MSRB3: variants seen among roughly 807,000 people sequenced by gnomAD.
MSRB3 encodes methionine-R-sulfoxide reductase B3.
MSRB3 carries 13 observed loss-of-function variants against 21.0 expected under a neutral mutation model. That is an observed-to-expected ratio of 0.62 (90% CI 0.40 to 0.98). The LOEUF is 0.98. MSRB3 is among the 50% of genes least tolerant of loss of function. MSRB3 has a pLI of 0.00. For missense variants in MSRB3, 199 were observed against 230.3 expected, an observed-to-expected ratio of 0.86 and a Z score of 0.88; for synonymous variants, 87 against 88.6, an observed-to-expected ratio of 0.98 and a Z score of 0.10.
chr12:65,364,549 A>G (rs1346272999), intron 4 of MSRB3, among the ~76,000 whole-genome samples: 1 of 152,202 alleles, frequency 6.6e-6, no homozygotes, highest in Admixed American at 6.6e-5. Flanking sequence ...CTAGCATAGT[A>G]TACTACTAAA....
chr12:65,328,545 A>G lies in MSRB3; in HGVS notation c.205A>G (p.Thr69Ala). 1.2e-6 allele frequency: 2 copies of G among 1,611,638 alleles called. No homozygotes were observed. The part of the protein sequence containing the change: ...GTESAFEGEY[T>A]HHKDPGIYKC... ...TATCAGTGCCTTTGAAGGAGAATAC[A>G]CACATCACAAAGATCCTGGAATATA... is the stretch of plus-strand genomic sequence containing the variant. Residue 69 changes from threonine to alanine, a missense_variant, in exon 4 of 7, where the codon ACA (threonine) becomes GCA (alanine). By Grantham distance (58) the Thr-to-Ala change is moderately conservative. Transcript: ENST00000308259.
At chr12:65,460,444 GGTTAGGCTT>G (rs1483355017) in intron 6 of MSRB3, among the ~76,000 whole-genome samples, 1 of 152,218 alleles carries the variant, frequency 6.6e-6, no homozygotes, top group Non-Finnish European at 1.5e-5. Flanking sequence ...GGCACTGCGT[GGTTAGGCTT>G]CCCTCAGACA....
At chr12:65,320,226 A>G (rs1328609930) in intron 2 of MSRB3, among the ~76,000 whole-genome samples, 1 of 152,204 alleles carries the variant, frequency 6.6e-6, no homozygotes, top group East Asian at 1.9e-4. Context: ...ATAGAAAAGA[A>G]CAAATCTTTA....
At chr12:65,279,294 C>A in intron 1 of MSRB3, 1 of 159,886 alleles carries the variant, frequency 6.3e-6, no homozygotes, top group Non-Finnish European at 1.4e-5. Context: ...GCTCAGATAA[C>A]GGGCCCGAGG....
intron 5 of MSRB3, among the ~76,000 whole-genome samples, chr12:65,447,761 A>G (rs1882685930): frequency 1.3e-5 from 2 of 152,196 alleles, no homozygotes; most frequent in Non-Finnish European, 2.9e-5. Context: ...GCCAATATAG[A>G]AAACAAGGTA....
chr12:65,323,995 T>G (rs1041791940), intron 2 of MSRB3, among the ~76,000 whole-genome samples: 1 of 152,200 alleles, frequency 6.6e-6, no homozygotes, highest in East Asian at 1.9e-4. Flanking sequence ...CTTTTGGTAT[T>G]AGATATACTT....
chr12:65,437,623 AC>A (rs1489296505), intron 5 of MSRB3, among the ~76,000 whole-genome samples: 7 of 151,806 alleles, frequency 4.6e-5, no homozygotes, highest in Non-Finnish European at 1.0e-4. Context: ...CAGTAGACAG[AC>A]GACAACTAAA....
At chr12:65,402,030 G>C (rs150848341) in intron 5 of MSRB3, among the ~76,000 whole-genome samples, 12 of 152,186 alleles carry the variant, frequency 7.9e-5, no homozygotes, top group African/African-American at 2.6e-4. Flanking sequence ...CTTTCTCTCT[G>C]GCTGCCCTTA....
At chr12:65,315,228 CT>C (rs953073981) in intron 2 of MSRB3, among the ~76,000 whole-genome samples, 1 of 151,990 alleles carries the variant, frequency 6.6e-6, no homozygotes, top group African/African-American at 2.4e-5. Context: ...CTGAAATTAC[CT>C]TTTGTGCCTT....
At chr12:65,421,129 A>G (rs1315773311) in intron 5 of MSRB3, among the ~76,000 whole-genome samples, 1 of 152,092 alleles carries the variant, frequency 6.6e-6, no homozygotes, top group Non-Finnish European at 1.5e-5. Context: ...CCAGCATGTT[A>G]TATTTTAACT....
rs1238440446 is a variant in MSRB3 at position 65,319,888 on chromosome 12, G to GGAAAGGAAAACT, written c.77-6938_77-6937insGAAAGGAAAACT. ...CTGATAGCGGTGAACTTATCAGGAT[G>GGAAAGGAAAACT]TGTAGCCTTGGAAGGAAAACTTGCT... On this transcript the variant is annotated intron_variant, in intron 2 of 6. Coordinates refer to ENST00000308259, the MANE Select transcript of MSRB3 (RefSeq NM_001031679.3). Among the ~76,000 whole-genome samples the GGAAAGGAAAACT allele has an allele frequency of 2.6e-5, 4 of 152,292 alleles. 1 individual carries two copies. The highest frequency in any genetic ancestry group is 2.1e-4 in the South Asian group (1 of 4,828).
chr12:65,417,257 G>T (rs1254250166), intron 5 of MSRB3, among the ~76,000 whole-genome samples: 2 of 152,080 alleles, frequency 1.3e-5, no homozygotes, highest in Admixed American at 1.3e-4. Context: ...AATGACATTA[G>T]CAGGTAGGAA....
chr12:65,287,262 A>G (rs1266115658), intron 1 of MSRB3, among the ~76,000 whole-genome samples: 1 of 150,894 alleles, frequency 6.6e-6, no homozygotes. Flanking sequence ...AGCTAGGACT[A>G]CAGGCTTGTG....
intron 4 of MSRB3, among the ~76,000 whole-genome samples, chr12:65,365,267 C>T (rs936061136): frequency 1.3e-5 from 2 of 152,104 alleles, no homozygotes; most frequent in African/African-American, 4.8e-5. Flanking sequence ...CCAGTGTGCA[C>T]CTCACTCAGC....
At chr12:65,421,752 A>C (rs1017463253) in intron 5 of MSRB3, among the ~76,000 whole-genome samples, 2 of 152,212 alleles carry the variant, frequency 1.3e-5, no homozygotes, top group Admixed American at 6.5e-5. Context: ...GAAAGGAAAG[A>C]CCATTACCAG....
chr12:65,444,821 C>T (rs551878271), intron 5 of MSRB3, among the ~76,000 whole-genome samples: 20 of 152,256 alleles, frequency 1.3e-4, no homozygotes, highest in African/African-American at 4.6e-4. Context: ...GTCCTGATTC[C>T]CTTGTCCTCT....
chr12:65,434,095 G>T (rs978619969), intron 5 of MSRB3, among the ~76,000 whole-genome samples: 1 of 151,816 alleles, frequency 6.6e-6, no homozygotes, highest in African/African-American at 2.4e-5. Flanking sequence ...TTAGTGTATG[G>T]GGTCCGTCCT....
chr12:65,455,700 A>C (rs1459952836), intron 6 of MSRB3, among the ~76,000 whole-genome samples: 1 of 152,050 alleles, frequency 6.6e-6, no homozygotes, highest in Admixed American at 6.6e-5. Flanking sequence ...TAAAAATCTC[A>C]TGATTTTCCA....
intron 4 of MSRB3, among the ~76,000 whole-genome samples, chr12:65,366,315 A>G (rs574636142): frequency 1.1e-4 from 17 of 152,282 alleles, no homozygotes; most frequent in African/African-American, 4.1e-4. Context: ...CTGGAGGTAC[A>G]CACATGCTAG....
Sources: gnomAD v4.1 joint callset for allele counts (sites outside exome capture counted in the v4.1 genomes callset) on GRCh38, gnomAD v4.1.1 for gene constraint, MANE v1.5 for transcripts, NCBI Gene and HGNC (gene_info 2026-07-23, HGNC 2026-07-21) for gene names.